The following SHISAL2A variants were observed in gnomAD, a reference collection of about 807,000 sequenced individuals.
The protein encoded by SHISAL2A is protein shisa-like-2A.
SHISAL2A carries 18 observed loss-of-function variants against 11.5 expected under a neutral mutation model. The ratio of observed to expected loss-of-function variants is 1.57; its 90% CI spans 1.08 to 2.33. SHISAL2A has a LOEUF of 2.33. SHISAL2A is among the 30% of genes most tolerant of loss of function. The probability of loss-of-function intolerance (pLI) is 0.00; values close to 1 mark genes in which losing one functional copy is unlikely to be tolerated. For synonymous variants in SHISAL2A, 94 were observed against 99.6 expected, an observed-to-expected ratio of 0.94 and a Z score of 0.34; for missense variants, 261 against 250.9, an observed-to-expected ratio of 1.04 and a Z score of -0.27.
chr1:52,655,309 A>G (rs1251099240), intron 2 of SHISAL2A, among the ~76,000 whole-genome samples: 1 of 151,980 alleles, frequency 6.6e-6, no homozygotes, highest in African/African-American at 2.4e-5. Flanking sequence ...TTAAAGACAA[A>G]CAGAGAACAA....
intron 2 of SHISAL2A, among the ~76,000 whole-genome samples, chr1:52,656,010 C>T (rs1041536996): frequency 6.6e-6 from 1 of 151,574 alleles, no homozygotes; most frequent in South Asian, 2.1e-4. Context: ...GTGAAAGGGC[C>T]GAGGTAGAAG....
intron 2 of SHISAL2A, among the ~76,000 whole-genome samples, chr1:52,654,530 G>A (rs796949077): frequency 2.6e-5 from 4 of 152,244 alleles, no homozygotes; most frequent in African/African-American, 7.2e-5. Flanking sequence ...TGATGAAGGT[G>A]CAAAATCAAT....
At chr1:52,638,109 T>G (rs12407301) in intron 1 of SHISAL2A, among the ~76,000 whole-genome samples, 8,327 of 152,232 alleles carry the variant, frequency 0.055, 264 homozygotes, top group Middle Eastern at 0.075. Flanking sequence ...TGTTCCCAAC[T>G]CTGTCCTTGG....
chr1:52,651,786 T>A (rs374955723), intron 2 of SHISAL2A, among the ~76,000 whole-genome samples: 1 of 152,182 alleles, frequency 6.6e-6, no homozygotes, highest in Non-Finnish European at 1.5e-5. Context: ...CTTTGATTAA[T>A]ACAGAATGGA....
Position 52,633,672 on chromosome 1 carries a change from T to A in SHISAL2A, c.179T>A (p.Leu60His), listed in dbSNP as rs896258763. The A allele has an allele frequency of 6.2e-7, 1 of 1,603,590 alleles. No homozygotes were observed. The highest frequency in any genetic ancestry group is 8.5e-7 in the Non-Finnish European group (1 of 1,175,342). ...TACGAGCACAGCTACATGTGGTGGC[T>A]CAGGTACCGTCCCTGGCCCTCACCC... is the stretch of plus-strand genomic sequence containing the variant. ...FPYEHSYMWW[L>H]SIGALIGLSV... is the part of the protein sequence containing the mutation. Residue 60 changes from leucine to histidine, a missense_variant, in exon 1 of 3, where the codon CTC becomes CAC. Coordinates refer to ENST00000517870, the MANE Select transcript of SHISAL2A (RefSeq NM_001042693.3). The surrounding 1 kb of genome is among the most constrained non-coding windows in gnomAD (Gnocchi z 6.4).
chr1:52,650,339 G>A (rs1047161412), intron 2 of SHISAL2A, among the ~76,000 whole-genome samples: 1 of 152,182 alleles, frequency 6.6e-6, no homozygotes, highest in Admixed American at 6.5e-5. Context: ...GGAGAAAGGA[G>A]GGAAGGCACA....
chr1:52,664,239 G>A (rs1022368708), intron 4 of SHISAL2A, among the ~76,000 whole-genome samples: 2 of 150,398 alleles, frequency 1.3e-5, no homozygotes, highest in African/African-American at 4.9e-5. Flanking sequence ...CGCCCAGGCT[G>A]GAGTGCAGTG....
intron 4 of SHISAL2A, among the ~76,000 whole-genome samples, chr1:52,662,945 G>C (rs1169860344): frequency 1.4e-4 from 22 of 152,214 alleles, no homozygotes; most frequent in Admixed American, 1.4e-3. Flanking sequence ...CCAGCACAGA[G>C]GGCTGCTGTC....
chr1:52,639,189 A>G (rs1029146577), intron 1 of SHISAL2A, among the ~76,000 whole-genome samples: 2 of 151,960 alleles, frequency 1.3e-5, no homozygotes, highest in Non-Finnish European at 2.9e-5. Flanking sequence ...GAAAAAAAAA[A>G]AGAAGGAAAC....
intron 1 of SHISAL2A, among the ~76,000 whole-genome samples, chr1:52,639,503 C>T (rs1430131080): frequency 6.6e-6 from 1 of 152,094 alleles, no homozygotes; most frequent in East Asian, 1.9e-4. Context: ...CCTGTAATCC[C>T]AGCACTTTAG....
At chr1:52,659,038 GGTGGT>G (rs1255320223), downstream of SHISAL2A, among the ~76,000 whole-genome samples, 4 of 118,782 alleles carry the variant, frequency 3.4e-5, no homozygotes, top group Admixed American at 9.8e-5. Flanking sequence ...TGGTGGTGGT[GGTGGT>G]GTGTGTGTGT....
intron 2 of SHISAL2A, among the ~76,000 whole-genome samples, chr1:52,652,819 A>T (rs1691697554): frequency 6.6e-6 from 1 of 151,418 alleles, no homozygotes; most frequent in South Asian, 2.1e-4. Flanking sequence ...CAACAAAATT[A>T]GCCGGGCTTG....
chr1:52,650,041 C>T (rs1352545361), intron 2 of SHISAL2A, among the ~76,000 whole-genome samples: 1 of 152,156 alleles, frequency 6.6e-6, no homozygotes, highest in East Asian at 1.9e-4. Context: ...AGCCAGAGAC[C>T]TTTCCCTGCA....
At chr1:52,646,490 T>TACACAC (rs1553252157) in intron 2 of SHISAL2A, among the ~76,000 whole-genome samples, 3 of 86,460 alleles carry the variant, frequency 3.5e-5, no homozygotes, top group Admixed American at 2.8e-4. Flanking sequence ...ATTAAATATC[T>TACACAC]ATACACACAC....
chr1:52,659,946 G>A (rs12093164), downstream of SHISAL2A, among the ~76,000 whole-genome samples: 2,959 of 152,206 alleles, frequency 0.019, 113 homozygotes, highest in African/African-American at 0.068. Context: ...GGTCATCCGC[G>A]GCCTAAGGCA....
chr1:52,659,794 C>G (rs1291308267), downstream of SHISAL2A, among the ~76,000 whole-genome samples: 1 of 152,214 alleles, frequency 6.6e-6, no homozygotes, highest in Non-Finnish European at 1.5e-5. Context: ...TCCTTGGTAT[C>G]CTCATCAGAA....
intron 1 of SHISAL2A, among the ~76,000 whole-genome samples, chr1:52,636,881 CAG>C (rs1691247751): frequency 6.6e-6 from 1 of 152,204 alleles, no homozygotes; most frequent in African/African-American, 2.4e-5. Context: ...CTGATCCACT[CAG>C]ATCATCTGAA....
intron 1 of SHISAL2A, among the ~76,000 whole-genome samples, chr1:52,640,844 G>A (rs1691348351): frequency 6.6e-6 from 1 of 152,178 alleles, no homozygotes; most frequent in Non-Finnish European, 1.5e-5. Context: ...GAGAGCCTTA[G>A]GATGGGGGCT....
exon 6 of SHISAL2A, chr1:52,669,543 G>A (rs269318): frequency 0.26 from 39,844 of 151,578 alleles, 6,244 homozygotes; most frequent in Non-Finnish European, 0.36. Flanking sequence ...GCACATGCCT[G>A]TAAACCTAGC....
Sources: allele counts gnomAD v4.1 joint callset (sites outside exome capture counted in the v4.1 genomes callset), GRCh38; gene constraint gnomAD v4.1.1; non-coding constraint Gnocchi (gnomAD v3.1); transcripts MANE v1.5; gene names NCBI Gene and HGNC (gene_info 2026-07-23, HGNC 2026-07-21).